Variants in C14orf39 observed in about 807,000 individuals in gnomAD.
C14orf39 encodes the protein chromosome 14 open reading frame 39.
Under a neutral mutation model 85.6 loss-of-function variants are expected in C14orf39, and 66 were observed. That is an observed-to-expected ratio of 0.77 (90% CI 0.63 to 0.95). The LOEUF is 0.95. C14orf39 is among the 40% of genes least tolerant of loss of function. The probability of loss-of-function intolerance (pLI) is 0.00; values close to 1 mark genes in which losing one functional copy is unlikely to be tolerated. For synonymous variants in C14orf39, 242 were observed against 214.0 expected, an observed-to-expected ratio of 1.13 and a Z score of -1.14; for missense variants, 735 against 663.9, an observed-to-expected ratio of 1.11 and a Z score of -1.18.
At chr14:60,452,553 C>G (rs1269951844) in intron 16 of C14orf39, among the ~76,000 whole-genome samples, 1 of 151,716 alleles carries the variant, frequency 6.6e-6, no homozygotes, top group African/African-American at 2.4e-5. Context: ...GGTACAAAAA[C>G]ATAGCAAGAA....
chr14:60,445,984 G>C (rs867028946), intron 16 of C14orf39, among the ~76,000 whole-genome samples: 2 of 152,068 alleles, frequency 1.3e-5, no homozygotes, highest in Non-Finnish European at 2.9e-5. Context: ...ACAAAATGAA[G>C]GGAGAAATAA....
intron 4 of C14orf39, among the ~76,000 whole-genome samples, chr14:60,480,384 C>T (rs972499154): frequency 8.5e-5 from 13 of 152,156 alleles, no homozygotes; most frequent in African/African-American, 2.4e-4. Context: ...AGTGAGATCG[C>T]GCCATTGCAC....
chr14:60,468,647 T>A, intron 8 of C14orf39, 111 bp from the exon 9 acceptor site: 1 of 507,280 alleles, frequency 2.0e-6, no homozygotes, highest in Non-Finnish European at 3.3e-6. Flanking sequence ...ATATTTTTGA[T>A]AGCATTTACT....
rs1276654332 is a variant in C14orf39 at position 60,436,347 on chromosome 14, T to C, written c.*498A>G. The stretch of plus-strand genomic sequence containing the variant: ...AATAACACAGATTTTGTTATTAACA[T>C]AAATTATTTGAAATTATTATTACAG... On this transcript the variant is annotated 3_prime_UTR_variant, in exon 18 of 18. Transcript: ENST00000321731. 1.3e-5 allele frequency: 2 copies of C among 152,192 alleles called. No individual in the cohort carries two copies. Among genetic ancestry groups the C allele is most frequent in the African/African-American group, 4.8e-5 (2 of 41,454 alleles). 9.4% of individuals were successfully genotyped at this position (152,192 alleles called of 1,614,324 possible). A position where few individuals can be genotyped will look rare whatever the true frequency, so the allele number is the denominator to read the frequency against.
chr14:60,498,295 C>G (rs999506296), intron 2 of C14orf39, among the ~76,000 whole-genome samples: 1 of 152,194 alleles, frequency 6.6e-6, no homozygotes, highest in Non-Finnish European at 1.5e-5. Context: ...GTTGAATGAG[C>G]TAACATAATT....
At chr14:60,448,735 T>C (rs1165642893) in intron 16 of C14orf39, among the ~76,000 whole-genome samples, 3 of 152,224 alleles carry the variant, frequency 2.0e-5, no homozygotes, top group Non-Finnish European at 2.9e-5. Flanking sequence ...TGCACACGTA[T>C]GTTTTTTGTG....
intron 15 of C14orf39, among the ~76,000 whole-genome samples, chr14:60,456,065 A>T (rs1891259843): frequency 6.6e-6 from 1 of 152,104 alleles, no homozygotes; most frequent in Non-Finnish European, 1.5e-5. Flanking sequence ...CATGACATTC[A>T]AATCCATAAC....
Position 60,502,753 on chromosome 14 carries a change from G to C in C14orf39, c.-143-3323C>G, listed in dbSNP as rs575348399. ...AGAGCTTTGCAGCTGGTCCCCACTGGGGCTTAAGCAGCCTCCTCTCTGTGT... is the reference window on the plus strand; with the variant it reads ...AGAGCTTTGCAGCTGGTCCCCACTGCGGCTTAAGCAGCCTCCTCTCTGTGT... On this transcript the variant is annotated intron_variant, in intron 1 of 5. Transcript: ENST00000556799. 1.3e-4 allele frequency among the ~76,000 whole-genome samples: 20 copies of C among 152,230 alleles called. No homozygotes were observed. In the South Asian group the frequency reaches 2.3e-3, roughly 17 times the overall value.
chr14:60,468,766 T>A (rs191580482), intron 8 of C14orf39, among the ~76,000 whole-genome samples: 1 of 151,706 alleles, frequency 6.6e-6, no homozygotes, highest in African/African-American at 2.4e-5. Context: ...CAAACTCCCA[T>A]CTTTTTAAAA....
At chr14:60,458,534 T>C (rs1891380296) in intron 14 of C14orf39, 144 bp downstream of exon 14, 1 of 481,816 alleles carries the variant, frequency 2.1e-6, no homozygotes, top group Non-Finnish European at 3.5e-6. Context: ...ATCTGAAAAA[T>C]AGAATCTGTA....
chr14:60,509,406 A>T (rs1893255147), intron 1 of C14orf39: 1 of 1,599,404 alleles, frequency 6.3e-7, no homozygotes, highest in African/African-American at 1.3e-5. Flanking sequence ...TCGATGTTCC[A>T]GCTGCCCATC....
chr14:60,440,221 A>T (rs1453609663), intron 17 of C14orf39, among the ~76,000 whole-genome samples: 2 of 152,172 alleles, frequency 1.3e-5, no homozygotes, highest in Non-Finnish European at 2.9e-5. Context: ...TGAATTCGAA[A>T]TTCATATGTA....
intron 4 of C14orf39, among the ~76,000 whole-genome samples, chr14:60,481,511 T>C (rs1892637707): frequency 6.6e-6 from 1 of 152,156 alleles, no homozygotes; most frequent in Non-Finnish European, 1.5e-5. Context: ...TAAATCATGC[T>C]TATTTTTAAA....
intron 1 of C14orf39, chr14:60,509,640 A>G (rs1362510658): frequency 6.2e-7 from 1 of 1,613,946 alleles, no homozygotes; most frequent in African/African-American, 1.3e-5. Context: ...AAGTTCACCA[A>G]GGAGTCGCAC....
intron 16 of C14orf39, among the ~76,000 whole-genome samples, chr14:60,446,222 C>T (rs1417364840): frequency 1.3e-5 from 2 of 152,142 alleles, no homozygotes; most frequent in African/African-American, 4.8e-5. Context: ...CAGAGCAGAA[C>T]TGAAGAGCTA....
Position 60,491,551 on chromosome 14 carries a change from T to C in C14orf39, c.-8-6465A>G, listed in dbSNP as rs1336085084. 6.6e-6 allele frequency among the ~76,000 whole-genome samples: 1 copy of C among 152,206 alleles called. No homozygotes were observed. Among genetic ancestry groups the C allele is most frequent in the African/African-American group, 2.4e-5 (1 of 41,454 alleles). The stretch of plus-strand genomic sequence containing the variant: ...AATGAGACCAGAATCTATTTGTGCA[T>C]ACCAGAAACCTAGACCGTGACAACC... On this transcript the variant is annotated intron_variant, in intron 2 of 5. Transcript: ENST00000556799. This position sits in a 1 kb window ranked among gnomAD's most constrained non-coding sequence, Gnocchi z 4.5.
chr14:60,488,283 C>T (rs1892935864), upstream of C14orf39, among the ~76,000 whole-genome samples: 1 of 152,106 alleles, frequency 6.6e-6, no homozygotes, highest in Admixed American at 6.5e-5. Flanking sequence ...TAATTACCCT[C>T]ATAAAAATAT....
At chr14:60,446,254 C>T (rs927574752) in intron 16 of C14orf39, among the ~76,000 whole-genome samples, 5 of 151,802 alleles carry the variant, frequency 3.3e-5, no homozygotes, top group African/African-American at 7.3e-5. Flanking sequence ...AACCCTTCAA[C>T]AAATCAATGA....
upstream of C14orf39, among the ~76,000 whole-genome samples, chr14:60,490,768 C>G (rs1466031725): frequency 6.6e-6 from 1 of 152,112 alleles, no homozygotes; most frequent in Admixed American, 6.6e-5. Context: ...GTCGAGACAC[C>G]ATCACTACAA....
Sources: gnomAD v4.1 joint callset for allele counts (sites outside exome capture counted in the v4.1 genomes callset) on GRCh38, gnomAD v4.1.1 for gene constraint, Gnocchi (gnomAD v3.1) non-coding constraint, MANE v1.5 for transcripts, NCBI Gene and HGNC (gene_info 2026-07-23, HGNC 2026-07-21) for gene names.